Variants in ANKRD13A observed in about 807,000 individuals in gnomAD.
ANKRD13A encodes the protein ankyrin repeat domain 13A.
In ANKRD13A, 48 loss-of-function variants were observed where a neutral mutation model predicts 81.3. The observed-to-expected ratio is 0.59, with a 90% CI of 0.47 to 0.75. The LOEUF (loss-of-function observed/expected upper bound fraction) is 0.75. Ranked by LOEUF, ANKRD13A falls within the 30% of genes least tolerant of loss-of-function variation. ANKRD13A has a pLI of 0.00. For synonymous variants in ANKRD13A, 230 were observed against 270.1 expected (o/e 0.85, Z 1.45); for missense variants, 612 against 734.0 (o/e 0.83, Z 1.92).
chr12:110,028,743 C>T, intron 10 of ANKRD13A, 101 bp downstream of exon 10: 2 of 1,509,160 alleles, frequency 1.3e-6, no homozygotes, highest in African/African-American at 2.8e-5. Flanking sequence ...CCCCACCACC[C>T]TTATTTTTTT....
intron 1 of ANKRD13A, among the ~76,000 whole-genome samples, chr12:110,008,868 G>A (rs1593200452): frequency 6.6e-6 from 1 of 152,138 alleles, no homozygotes. Flanking sequence ...CTGGGCGACA[G>A]AGCGAGACTC....
intron 6 of ANKRD13A, among the ~76,000 whole-genome samples, chr12:110,023,158 G>A (rs1463281824): frequency 6.6e-6 from 1 of 152,246 alleles, no homozygotes; most frequent in Non-Finnish European, 1.5e-5. Flanking sequence ...GCCGTAGCCA[G>A]GGCCAAGAGG....
chr12:110,013,228 G>C lies in ANKRD13A; in HGVS notation c.333G>C (p.Glu111Asp), dbSNP rs1238042388. ...CCATGGCCCTTGAGGGAGTTCCTGA[G>C]CTGCTCCAAAAAATTCTCGAGGTAT... ...NTSMALEGVP[E>D]LLQKILEAPD... The change falls in exon 3 of 15, where the codon GAG (glutamate) becomes GAC (aspartate). Residue 111 changes from glutamate to aspartate, a missense_variant. Transcript: ENST00000261739. 2.5e-6 allele frequency: 4 copies of C among 1,614,088 alleles called. No homozygotes were observed. Among genetic ancestry groups the C allele is most frequent in the Non-Finnish European group, 3.4e-6 (4 of 1,180,008 alleles).
chr12:110,038,297 C>A lies in ANKRD13A; in HGVS notation c.*743C>A, dbSNP rs1892185107. 6.6e-6 allele frequency: 1 copy of A among 152,636 alleles called. No homozygotes were observed. Among genetic ancestry groups the A allele is most frequent in the South Asian group, 2.1e-4 (1 of 4,836 alleles). The allele number at this position is 152,636 out of a possible 1,614,324, so 9.5% of individuals were successfully genotyped here. A position where few individuals can be genotyped will look rare whatever the true frequency, so the allele number is the denominator to read the frequency against. On this transcript the variant is annotated 3_prime_UTR_variant, in exon 15 of 15. Transcript: ENST00000261739. Reference sequence around the variant, plus strand: ...CTGATTTGAATTTGTAAAGGCAATTCTTTTGAGAGCAGGATTCTCCAGGCT... The same window carrying A: ...CTGATTTGAATTTGTAAAGGCAATTATTTTGAGAGCAGGATTCTCCAGGCT...
In ANKRD13A at chr12:110,038,684, C is replaced by T. The variant is rs1245248566; in HGVS notation, c.*1130C>T. 1.3e-5 allele frequency: 2 copies of T among 152,606 alleles called. No homozygotes were observed. The highest frequency in any genetic ancestry group is 2.9e-5 in the Non-Finnish European group (2 of 68,038). 9.5% of individuals were successfully genotyped at this position (152,606 alleles called of 1,614,324 possible). ...TTATTATTTGTAAAAGATATAAAAA[C>T]AACTCCCATCAGTAGCAATACAAGG... is the stretch of plus-strand genomic sequence containing the variant. On this transcript the variant is annotated 3_prime_UTR_variant, in exon 15 of 15. Coordinates refer to ENST00000261739, the MANE Select transcript of ANKRD13A (RefSeq NM_033121.2).
At chr12:110,031,467 T>A (rs1304242926) in intron 12 of ANKRD13A, among the ~76,000 whole-genome samples, 2 of 152,098 alleles carry the variant, frequency 1.3e-5, no homozygotes, top group Non-Finnish European at 2.9e-5. Context: ...TTTTCTTGCC[T>A]AGTCTCCCAA....
At chr12:110,011,445 A>G (rs989488365) in intron 1 of ANKRD13A, among the ~76,000 whole-genome samples, 2 of 152,206 alleles carry the variant, frequency 1.3e-5, no homozygotes, top group African/African-American at 2.4e-5. Flanking sequence ...GGTCTGAAGG[A>G]CCCACAGATG....
chr12:110,002,925 C>T (rs1890056368), intron 1 of ANKRD13A, among the ~76,000 whole-genome samples: 1 of 152,192 alleles, frequency 6.6e-6, no homozygotes, highest in South Asian at 2.1e-4. Flanking sequence ...TGTAACTATG[C>T]CAACTACCAG....
At chr12:110,016,112 C>A (rs1371945857) in intron 3 of ANKRD13A, among the ~76,000 whole-genome samples, 3 of 151,840 alleles carry the variant, frequency 2.0e-5, no homozygotes, top group Non-Finnish European at 4.4e-5. Flanking sequence ...CCATAGCCAG[C>A]TACTTTCTGT....
rs554240733 is a variant in ANKRD13A, at chr12:110,010,876, G to A, written c.97-1129G>A. ...TCTTCAGAGACTGCAGGGGTAGTTA[G>A]TACCTGAATAACAGCTAGCATCTTA... is the stretch of plus-strand genomic sequence containing the variant. On this transcript the variant is annotated intron_variant, in intron 1 of 14. Coordinates refer to ENST00000261739, the MANE Select transcript of ANKRD13A (RefSeq NM_033121.2). Among the ~76,000 whole-genome samples the A allele has an allele frequency of 8.5e-5, 13 of 152,312 alleles. No individual in the cohort carries two copies. The East Asian group carries it at 2.5e-3, about 29-fold the overall frequency.
At chr12:110,001,817 A>G (rs1279149020) in intron 1 of ANKRD13A, among the ~76,000 whole-genome samples, 1 of 152,198 alleles carries the variant, frequency 6.6e-6, no homozygotes, top group Non-Finnish European at 1.5e-5. Flanking sequence ...TTAAGGAGAT[A>G]TGACACATGC....
chr12:110,024,182 C>G, intron 7 of ANKRD13A, 70 bp downstream of exon 7: 1 of 1,392,188 alleles, frequency 7.2e-7, no homozygotes, highest in African/African-American at 1.4e-5. Flanking sequence ...GAATCTGTTC[C>G]CATTTTTTTC....
chr12:110,004,219 C>A (rs1890129210), intron 1 of ANKRD13A, among the ~76,000 whole-genome samples: 1 of 151,984 alleles, frequency 6.6e-6, no homozygotes, highest in Admixed American at 6.6e-5. Flanking sequence ...CTGAAATGAG[C>A]AAATAGGAAG....
In ANKRD13A at chr12:110,033,869, A is replaced by G. The variant is rs1012050261; in HGVS notation, c.1421A>G (p.Asn474Ser). The G allele has an allele frequency of 6.2e-7, 1 of 1,613,620 alleles. No homozygotes were observed. Among genetic ancestry groups the G allele is most frequent in the East Asian group, 2.2e-5 (1 of 44,836 alleles). Residue 474 changes from asparagine (N) to serine (S), a missense_variant, in exon 13 of 15, where the codon AAT becomes AGT. Physicochemically the swap from Asn to Ser is conservative, Grantham distance 46 (BLOSUM62 1). Coordinates refer to ENST00000261739, the MANE Select transcript of ANKRD13A (RefSeq NM_033121.2). ...EIPESYYVQD[N>S]GRNVHLQDED... ...CCCGAATCTTACTATGTTCAAGACA[A>G]TGGCAGAAATGTGCATTTGCAAGAT...
chr12:110,012,757 T>G (rs1890592628), intron 2 of ANKRD13A, among the ~76,000 whole-genome samples: 1 of 152,206 alleles, frequency 6.6e-6, no homozygotes. Flanking sequence ...CAGAGTAATT[T>G]TGTGTTGACT....
chr12:110,023,631 G>A (rs1375924527), intron 6 of ANKRD13A: 1 of 167,602 alleles, frequency 6.0e-6, no homozygotes. Context: ...TACTTGTGGA[G>A]ATCCCACCAT....
At chr12:110,005,006 A>AT (rs11395070) in intron 1 of ANKRD13A, among the ~76,000 whole-genome samples, 43,207 of 151,670 alleles carry the variant, frequency 0.28, 9,295 homozygotes, top group African/African-American at 0.61. Flanking sequence ...ATACAGATTG[A>AT]TTTTTTCAAA....
intron 6 of ANKRD13A, chr12:110,021,134 T>C (rs1323913405): frequency 2.2e-6 from 1 of 457,096 alleles, no homozygotes; most frequent in South Asian, 1.5e-5. Context: ...AAGCTAACTC[T>C]TTTGCAACTG....
At chr12:110,008,605 C>T (rs192794188) in intron 1 of ANKRD13A, among the ~76,000 whole-genome samples, 1 of 152,286 alleles carries the variant, frequency 6.6e-6, no homozygotes, top group African/African-American at 2.4e-5. Context: ...CCAGTGAAGT[C>T]CAGGCATGGT....
Sources: gnomAD v4.1 joint callset for allele counts (sites outside exome capture counted in the v4.1 genomes callset) on GRCh38, gnomAD v4.1.1 for gene constraint, MANE v1.5 for transcripts, NCBI Gene and HGNC (gene_info 2026-07-23, HGNC 2026-07-21) for gene names.